Variants in TOGARAM2 observed in about 807,000 individuals in gnomAD.
TOGARAM2 encodes the protein TOG array regulator of axonemal microtubules protein 2.
A neutral mutation model predicts 93.3 loss-of-function variants in TOGARAM2; 85 were observed. The observed-to-expected ratio is 0.91, with a 90% CI of 0.76 to 1.09. TOGARAM2 has a LOEUF of 1.09. Among genes scored for constraint, TOGARAM2 ranks in the 50% least tolerant of loss-of-function variants. The pLI, the probability that TOGARAM2 is intolerant of heterozygous loss-of-function variation, is 0.00. For missense variants in TOGARAM2, 1,277 were observed against 1,334.5 expected (o/e 0.96, Z 0.67); for synonymous variants, 593 against 552.8 (o/e 1.07, Z -1.02).
chr2:28,995,122 A>C (rs973428802), intron 2 of TOGARAM2, among the ~76,000 whole-genome samples: 4 of 152,146 alleles, frequency 2.6e-5, no homozygotes, highest in Non-Finnish European at 4.4e-5. Flanking sequence ...TCTCTGCAGC[A>C]GGGTGGTTGG....
At chr2:29,030,714 G>T (rs562516845) in intron 14 of TOGARAM2, among the ~76,000 whole-genome samples, 1 of 152,172 alleles carries the variant, frequency 6.6e-6, no homozygotes, top group Non-Finnish European at 1.5e-5. Context: ...TGCCACCTGA[G>T]TGTAGGTGCT....
chr2:28,981,348 CTCG>C lies in TOGARAM2; in HGVS notation c.-299_-297del, dbSNP rs1475738774. 1 of 152,258 alleles carries C rather than the reference CTCG, an allele frequency of 6.6e-6. No individual in the cohort carries two copies. Among genetic ancestry groups the C allele is most frequent in the Non-Finnish European group, 1.5e-5 (1 of 68,116 alleles). The allele number at this position is 152,258 out of a possible 1,614,324, so 9.4% of individuals were successfully genotyped here. On this transcript the variant is annotated 5_prime_UTR_variant, in exon 1 of 20. Transcript: ENST00000379558. ...GAGCTGGAGCACGCCAGCAGTGGAG[CTCG>C]TGGCCACCCAGCCCCTGCTCAGACA...
chr2:29,008,775 C>T (rs1664038100), intron 6 of TOGARAM2, among the ~76,000 whole-genome samples: 1 of 152,180 alleles, frequency 6.6e-6, no homozygotes, highest in Non-Finnish European at 1.5e-5. Flanking sequence ...TTATTTAAAC[C>T]TCATTCTGTT....
chr2:29,029,299 T>A (rs79289222), intron 14 of TOGARAM2, among the ~76,000 whole-genome samples: 32,285 of 121,850 alleles, frequency 0.26, 3,912 homozygotes, highest in South Asian at 0.38. Context: ...ACACACACAC[T>A]GGAATACTTA....
chr2:28,990,873 C>T (rs543339846), intron 1 of TOGARAM2, among the ~76,000 whole-genome samples: 1 of 151,964 alleles, frequency 6.6e-6, no homozygotes, highest in Admixed American at 6.6e-5. Context: ...TATCTGTCTC[C>T]TCCGCATGAG....
rs1207686365 is a variant in TOGARAM2 at position 29,051,738 on chromosome 2, T to A, written c.2723-18T>A. Reference sequence around the variant, plus strand: ...AGAGAGTGCCTGGCTCAAGTGACTCTCCTTTTCTGCCTGACAGTGCTGGTG... The same window carrying A: ...AGAGAGTGCCTGGCTCAAGTGACTCACCTTTTCTGCCTGACAGTGCTGGTG... On this transcript the variant is annotated intron_variant, in intron 19 of 19. Coordinates refer to ENST00000379558, the MANE Select transcript of TOGARAM2 (RefSeq NM_199280.4). The A allele has an allele frequency of 2.7e-6, 4 of 1,467,664 alleles. No individual in the cohort carries two copies. The South Asian group carries it at 5.8e-5, about 21-fold the overall frequency. 90.9% of individuals were successfully genotyped at this position (1,467,664 alleles called of 1,614,324 possible). A position where few individuals can be genotyped will look rare whatever the true frequency, so the allele number is the denominator to read the frequency against.
At chr2:29,011,423 C>T in intron 6 of TOGARAM2, 32 bp from the exon 7 acceptor site, 2 of 1,609,160 alleles carry the variant, frequency 1.2e-6, no homozygotes, top group Admixed American at 1.7e-5. Context: ...GGCCATCCCT[C>T]ATGATGCTTT....
intron 6 of TOGARAM2, among the ~76,000 whole-genome samples, chr2:29,010,092 G>C (rs1664141511): frequency 1.3e-5 from 2 of 151,884 alleles, no homozygotes; most frequent in Non-Finnish European, 2.9e-5. Flanking sequence ...TGCAGCTCAG[G>C]GCCCCAGGGG....
chr2:29,000,877 G>A (rs1216038264), intron 4 of TOGARAM2, among the ~76,000 whole-genome samples: 1 of 152,170 alleles, frequency 6.6e-6, no homozygotes, highest in African/African-American at 2.4e-5. Context: ...CTTCCAGTAG[G>A]TACAACTCCT....
intron 8 of TOGARAM2, among the ~76,000 whole-genome samples, chr2:29,015,295 A>T (rs903058900): frequency 3.9e-5 from 6 of 151,998 alleles, no homozygotes; most frequent in Non-Finnish European, 8.8e-5. Flanking sequence ...CCTCCACCCC[A>T]CTTCTGCGCT....
intron 1 of TOGARAM2, among the ~76,000 whole-genome samples, chr2:28,982,445 G>A (rs1233393459): frequency 1.3e-5 from 2 of 152,168 alleles, no homozygotes; most frequent in Non-Finnish European, 2.9e-5. Flanking sequence ...GGTGTGAGGG[G>A]CCCATAATCG....
intron 6 of TOGARAM2, among the ~76,000 whole-genome samples, chr2:29,006,224 T>C (rs1663821663): frequency 1.4e-5 from 2 of 147,866 alleles, no homozygotes; most frequent in African/African-American, 2.5e-5. Context: ...TGTGTGTGAC[T>C]GTGTGTGAAG....
intron 2 of TOGARAM2, among the ~76,000 whole-genome samples, chr2:28,995,702 T>C (rs545642280): frequency 6.6e-6 from 1 of 152,368 alleles, no homozygotes; most frequent in Admixed American, 6.5e-5. Flanking sequence ...TCCTTTGCTT[T>C]ACTGATGTGG....
intron 1 of TOGARAM2, among the ~76,000 whole-genome samples, chr2:28,962,178 G>GTT (rs768065714): frequency 1.1e-4 from 16 of 142,674 alleles, no homozygotes; most frequent in Admixed American, 1.4e-4. Flanking sequence ...TACATACATA[G>GTT]TTTTTTTTTT....
In TOGARAM2 at chr2:29,033,501, C is replaced by T. The variant is rs1231361257; in HGVS notation, c.2163C>T (p.Ala721=). ...AAGATAATGATGAACTTCCCTCTGC[C>T]AAAGGCCGCAAGGTGTTGAGGAGTC... ...GIEDNDELPS[A]KGRKVLRSLV... The change falls in exon 16 of 20, where the codon GCC becomes GCT. Residue 721 remains alanine (A), a synonymous_variant. Coordinates refer to ENST00000379558, the MANE Select transcript of TOGARAM2 (RefSeq NM_199280.4). 1 of 1,613,660 alleles carries T rather than the reference C, an allele frequency of 6.2e-7. No homozygotes were observed. Among genetic ancestry groups the T allele is most frequent in the Admixed American group, 1.7e-5 (1 of 59,996 alleles).
At chr2:28,967,072 A>G (rs1424974929) in intron 1 of TOGARAM2, among the ~76,000 whole-genome samples, 2 of 152,234 alleles carry the variant, frequency 1.3e-5, no homozygotes, top group African/African-American at 4.8e-5. Flanking sequence ...TTTACATTAC[A>G]TTTTTAGGCT....
chr2:28,995,900 G>A (rs1013905983), intron 2 of TOGARAM2, among the ~76,000 whole-genome samples: 9 of 152,178 alleles, frequency 5.9e-5, no homozygotes, highest in African/African-American at 1.2e-4. Flanking sequence ...AGGTGGGCTC[G>A]GGAAGGGCTG....
intron 10 of TOGARAM2, among the ~76,000 whole-genome samples, chr2:29,021,523 T>G (rs1326480468): frequency 2.0e-5 from 3 of 152,192 alleles, no homozygotes; most frequent in African/African-American, 7.2e-5. Flanking sequence ...GTTTATGATT[T>G]CAGCATCTGT....
chr2:29,002,775 G>A (rs1346787282), intron 5 of TOGARAM2, 28 bp downstream of exon 5: 16 of 1,597,930 alleles, frequency 1.0e-5, no homozygotes, highest in Non-Finnish European at 1.4e-5. Flanking sequence ...CTGTGAGTCT[G>A]GTCCTCAGCT....
Sources: gnomAD v4.1 joint callset for allele counts (sites outside exome capture counted in the v4.1 genomes callset) on GRCh38, gnomAD v4.1.1 for gene constraint, MANE v1.5 for transcripts, NCBI Gene and HGNC (gene_info 2026-07-23, HGNC 2026-07-21) for gene names.